Variants in PEX39 observed in about 807,000 individuals in gnomAD.
PEX39 encodes the protein peroxisomal biogenesis factor 39.
chr6:42,890,460 GC>G, the PEX39 span: 1 of 1,495,620 alleles, frequency 6.7e-7, no homozygotes, highest in Non-Finnish European at 8.9e-7. Flanking sequence ...CCTCCAGATC[GC>G]CGCCGCAAAG....
chr6:42,890,653 G>A, the PEX39 span: 13 of 1,612,672 alleles, frequency 8.1e-6, no homozygotes, highest in Non-Finnish European at 1.0e-5. Context: ...GGTTCGCCGT[G>A]GATCGCCGCG....
At chr6:42,890,439 T>TGTA in the PEX39 span, 1 of 1,487,880 alleles carries the variant, frequency 6.7e-7, no homozygotes, top group South Asian at 1.4e-5. Flanking sequence ...TCCCGGGTCC[T>TGTA]GTAGCCACGC....
At chr6:42,890,774 G>C in the PEX39 span, 2 of 1,591,320 alleles carry the variant, frequency 1.3e-6, no homozygotes, top group Non-Finnish European at 1.7e-6. Context: ...ATTGGGGACT[G>C]CGGGGACGCT....
chr6:42,890,765 T>A, the PEX39 span: 3 of 1,599,134 alleles, frequency 1.9e-6, no homozygotes, highest in Non-Finnish European at 2.6e-6. Context: ...GGGCCGAGCA[T>A]TGGGGACTGC....
At chr6:42,890,361 G>T in the PEX39 span, 1 of 899,132 alleles carries the variant, frequency 1.1e-6, no homozygotes. Context: ...CCCCCATGGT[G>T]GTTGCAGGAG....
chr6:42,890,547 G>A, the PEX39 span: 1 of 1,587,154 alleles, frequency 6.3e-7, no homozygotes, highest in South Asian at 1.1e-5. Flanking sequence ...AGGCTCCGCC[G>A]GGGCCGTTCC....
At chr6:42,890,773 T>G in the PEX39 span, 1 of 1,591,288 alleles carries the variant, frequency 6.3e-7, no homozygotes, top group African/African-American at 1.3e-5. Context: ...CATTGGGGAC[T>G]GCGGGGACGC....
chr6:42,890,450 C>T, the PEX39 span: 1 of 1,492,260 alleles, frequency 6.7e-7, no homozygotes, highest in Non-Finnish European at 8.9e-7. Flanking sequence ...GTAGCCACGC[C>T]CTCCAGATCG....
chr6:42,890,720 C>G, the PEX39 span: 1 of 1,611,232 alleles, frequency 6.2e-7, no homozygotes, highest in Non-Finnish European at 8.5e-7. Context: ...GCTGCAGGAG[C>G]TGCGCCAGGG....
At chr6:42,890,644 G>C in the PEX39 span, 1 of 1,612,712 alleles carries the variant, frequency 6.2e-7, no homozygotes, top group Admixed American at 1.7e-5. Flanking sequence ...GACGCTGTGG[G>C]TTCGCCGTGG....
At chr6:42,890,578 G>A in the PEX39 span, 6 of 1,610,460 alleles carry the variant, frequency 3.7e-6, 1 homozygote, top group South Asian at 4.4e-5. Context: ...GTCGGAGGGG[G>A]AAGGGACTCA....
chr6:42,890,560 T>TCCTGAGGG, the PEX39 span: 1 of 1,606,144 alleles, frequency 6.2e-7, no homozygotes, highest in Non-Finnish European at 8.5e-7. Flanking sequence ...GCCGTTCCTA[T>TCCTGAGGG]CCTGAGGGTC....
At chr6:42,890,617 G>A in the PEX39 span, 2 of 1,612,362 alleles carry the variant, frequency 1.2e-6, no homozygotes, top group African/African-American at 2.7e-5. Context: ...CAGGGCTTGG[G>A]CCTCCGCGGC....
the PEX39 span, chr6:42,890,429 T>C: frequency 4.8e-6 from 7 of 1,470,630 alleles, no homozygotes; most frequent in Non-Finnish European, 6.3e-6. Context: ...CTGAATGGCA[T>C]CCCGGGTCCT....
chr6:42,890,814 T>A, the PEX39 span: 1 of 1,547,526 alleles, frequency 6.5e-7, no homozygotes, highest in East Asian at 2.3e-5. Context: ...CTGACCGGCG[T>A]GTAATGCAGA....
At chr6:42,890,757 G>T in the PEX39 span, 1 of 1,604,436 alleles carries the variant, frequency 6.2e-7, no homozygotes, top group South Asian at 1.1e-5. Flanking sequence ...AGAGGCCGGG[G>T]CCGAGCATTG....
At chr6:42,890,405 T>A in the PEX39 span, 24 of 1,391,696 alleles carry the variant, frequency 1.7e-5, no homozygotes, top group East Asian at 5.5e-4. Context: ...GACGAAAGCA[T>A]AAAAGATGAG....
chr6:42,890,489 G>A, the PEX39 span: 14,927 of 1,523,066 alleles, frequency 9.8e-3, 81 homozygotes, highest in Middle Eastern at 0.016. Context: ...AACCTCAGGG[G>A]CCCACTGTAT....
At chr6:42,890,625 G>A in the PEX39 span, 5 of 1,612,528 alleles carry the variant, frequency 3.1e-6, no homozygotes, top group Admixed American at 5.0e-5. Flanking sequence ...GGGCCTCCGC[G>A]GCAGCCGGGA....
Sources: gnomAD v4.1 joint callset for allele counts on GRCh38, gnomAD v4.1.1 for gene constraint, MANE v1.5 for transcripts, NCBI Gene and HGNC (gene_info 2026-07-23, HGNC 2026-07-21) for gene names.